Variants in CSMD1 observed in about 807,000 individuals in gnomAD.
The protein encoded by CSMD1 is CUB and Sushi multiple domains 1, also known as CUB and sushi domain-containing protein 1.
Under a neutral mutation model 417.5 loss-of-function variants are expected in CSMD1, and 213 were observed. The observed-to-expected ratio is 0.51, with a 90% confidence interval of 0.46 to 0.57. The LOEUF (loss-of-function observed/expected upper bound fraction) is 0.57, where lower values mean the gene tolerates loss of function less well. CSMD1 is among the 20% of genes least tolerant of loss of function. The pLI is 0.00. For synonymous variants in CSMD1, 2,862 were observed against 1,736.8 expected (o/e 1.65, Z -16.11); for missense variants, 6,923 against 4,529.7 (o/e 1.53, Z -15.17).
At chr8:3,810,006 C>A (rs942169352) in intron 5 of CSMD1, among the ~76,000 whole-genome samples, 7 of 152,174 alleles carry the variant, frequency 4.6e-5, no homozygotes, top group African/African-American at 1.4e-4. Flanking sequence ...GCTCTGACTG[C>A]CACATGCAAA....
At chr8:3,636,887 T>A (rs7006294) in intron 7 of CSMD1, among the ~76,000 whole-genome samples, 1 of 152,040 alleles carries the variant, frequency 6.6e-6, no homozygotes, top group Non-Finnish European at 1.5e-5. Context: ...TTGTTGCCAT[T>A]GTGAGGTAAC....
At chr8:4,193,304 G>A (rs1440868090) in intron 3 of CSMD1, among the ~76,000 whole-genome samples, 1 of 152,094 alleles carries the variant, frequency 6.6e-6, no homozygotes, top group Admixed American at 6.6e-5. Flanking sequence ...TGCCCATAAT[G>A]AAAACCTTGC....
Position 3,357,519 on chromosome 8 carries a change from T to G in CSMD1, c.3304+1633A>C, listed in dbSNP as rs1054858824. On this transcript the variant is annotated intron_variant, in intron 21 of 69. Coordinates refer to ENST00000635120, the MANE Select transcript of CSMD1 (RefSeq NM_033225.6). Reference sequence around the variant, plus strand: ...CAACTCTAGTTACTGAGTTTTCATATTTTAGACCACAGAGTAAAAACCTGA... The same window carrying G: ...CAACTCTAGTTACTGAGTTTTCATAGTTTAGACCACAGAGTAAAAACCTGA... Among the ~76,000 whole-genome samples, 10 of 152,344 alleles carry G rather than the reference T, an allele frequency of 6.6e-5. No homozygotes were observed. The East Asian group carries it at 1.9e-3, about 29-fold the overall frequency.
chr8:4,433,194 T>C (rs1476360395), intron 2 of CSMD1, among the ~76,000 whole-genome samples: 1 of 152,170 alleles, frequency 6.6e-6, no homozygotes, highest in East Asian at 1.9e-4. Flanking sequence ...AACTATTTCG[T>C]TGTGTATTAC....
rs1270061948 is a variant in CSMD1, at chr8:2,957,753, T to C, written c.9757A>G (p.Thr3253Ala). ...CRKGYHIQGS[T>A]TRTCLANLTW... Reference sequence around the variant, plus strand: ...AAATTGGCAAGGCAGGTGCGAGTCGTGGAACCTTGAATATGGTAGCCTTTT... The same window carrying C: ...AAATTGGCAAGGCAGGTGCGAGTCGCGGAACCTTGAATATGGTAGCCTTTT... The change falls in exon 63 of 70, where the codon ACG becomes GCG. Residue 3253 changes from threonine to alanine, a missense_variant. Thr to Ala is a moderately conservative substitution (Grantham distance 58). Transcript: ENST00000635120. 2 of 1,599,938 alleles carry C rather than the reference T, an allele frequency of 1.3e-6. No individual in the cohort carries two copies. The highest frequency in any genetic ancestry group is 1.7e-6 in the Non-Finnish European group (2 of 1,172,560).
chr8:4,677,998 A>T (rs1180154624), intron 1 of CSMD1, among the ~76,000 whole-genome samples: 1 of 152,244 alleles, frequency 6.6e-6, no homozygotes, highest in African/African-American at 2.4e-5. Flanking sequence ...TGTCAGAGAC[A>T]GTGATAAACA....
chr8:3,883,562 A>T (rs535183993), intron 5 of CSMD1, among the ~76,000 whole-genome samples: 1 of 152,302 alleles, frequency 6.6e-6, no homozygotes, highest in Admixed American at 6.5e-5. Flanking sequence ...CAGTGAACTG[A>T]TGCCTTCAAG....
At chr8:3,071,586 G>C (rs1813325355) in intron 49 of CSMD1, among the ~76,000 whole-genome samples, 1 of 152,224 alleles carries the variant, frequency 6.6e-6, no homozygotes, top group Admixed American at 6.5e-5. Flanking sequence ...ATGCCCCAAA[G>C]TAATTTTCAA....
At chr8:4,169,320 C>G (rs1269112878) in intron 3 of CSMD1, among the ~76,000 whole-genome samples, 2 of 152,160 alleles carry the variant, frequency 1.3e-5, no homozygotes, top group Non-Finnish European at 2.9e-5. Flanking sequence ...TAAAGCTGGT[C>G]CCTCCCATGT....
intron 67 of CSMD1, among the ~76,000 whole-genome samples, chr8:2,949,863 T>C (rs1397665964): frequency 6.6e-6 from 1 of 152,144 alleles, no homozygotes; most frequent in Non-Finnish European, 1.5e-5. Context: ...TCTATTTATC[T>C]GGGAATGATT....
At chr8:4,325,640 C>T (rs921287234) in intron 3 of CSMD1, among the ~76,000 whole-genome samples, 1 of 152,062 alleles carries the variant, frequency 6.6e-6, no homozygotes, top group African/African-American at 2.4e-5. Context: ...TCCCAAACTA[C>T]CCAAATTACA....
chr8:3,839,036 T>A (rs1257822964), intron 5 of CSMD1, among the ~76,000 whole-genome samples: 1 of 128,050 alleles, frequency 7.8e-6, no homozygotes, highest in East Asian at 2.2e-4. Flanking sequence ...TATATATATT[T>A]ATTATATATA....
At chr8:3,850,480 A>C (rs1803821778) in intron 5 of CSMD1, among the ~76,000 whole-genome samples, 1 of 152,142 alleles carries the variant, frequency 6.6e-6, no homozygotes, top group Admixed American at 6.5e-5. Flanking sequence ...AGATAACTTG[A>C]GGTCAAGAGT....
chr8:4,935,511 T>C (rs1022750519), intron 1 of CSMD1, among the ~76,000 whole-genome samples: 3 of 152,242 alleles, frequency 2.0e-5, no homozygotes, highest in East Asian at 3.8e-4. Context: ...ATGTGTTTCA[T>C]GAATGAACGA....
intron 1 of CSMD1, among the ~76,000 whole-genome samples, chr8:4,733,578 G>A (rs1337849190): frequency 2.0e-5 from 3 of 152,170 alleles, no homozygotes; most frequent in Non-Finnish European, 4.4e-5. Context: ...GGTGTAAGAC[G>A]TTAAATAACT....
chr8:4,584,069 CCT>C (rs1563309141), intron 2 of CSMD1, among the ~76,000 whole-genome samples: 1 of 151,978 alleles, frequency 6.6e-6, no homozygotes, highest in African/African-American at 2.4e-5. Flanking sequence ...CAGTTTCACT[CCT>C]GAGCCAGCAA....
intron 3 of CSMD1, among the ~76,000 whole-genome samples, chr8:4,181,957 C>CATGTGTGT (rs1554484230): frequency 6.7e-6 from 1 of 150,022 alleles, no homozygotes; most frequent in Non-Finnish European, 1.5e-5. Context: ...TCTGTGTCTG[C>CATGTGTGT]GTGTGTGTGT....
chr8:3,218,825 T>C (rs1408235189), intron 29 of CSMD1, among the ~76,000 whole-genome samples: 1 of 151,952 alleles, frequency 6.6e-6, no homozygotes, highest in Non-Finnish European at 1.5e-5. Context: ...CGAGCTGACA[T>C]CGTGCCATTG....
At chr8:4,256,876 C>T (rs1461363214) in intron 3 of CSMD1, among the ~76,000 whole-genome samples, 3 of 152,154 alleles carry the variant, frequency 2.0e-5, no homozygotes, top group Non-Finnish European at 2.9e-5. Flanking sequence ...GGGGGAGAAT[C>T]GCTACTGGAC....
Sources: allele counts gnomAD v4.1 joint callset (sites outside exome capture counted in the v4.1 genomes callset), GRCh38; gene constraint gnomAD v4.1.1; transcripts MANE v1.5; gene names NCBI Gene and HGNC (gene_info 2026-07-23, HGNC 2026-07-21).